Variants in BAALC observed in about 807,000 individuals in gnomAD.
The protein encoded by BAALC is BAALC binder of MAP3K1 and KLF4.
BAALC carries 9 observed loss-of-function variants against 15.5 expected under a neutral mutation model. That is an observed-to-expected ratio of 0.58 (90% confidence interval 0.35 to 1.02). The LOEUF (loss-of-function observed/expected upper bound fraction) is 1.02, where lower values mean the gene tolerates loss of function less well. Ranked by LOEUF, BAALC falls within the 50% of genes least tolerant of loss-of-function variation. BAALC has a pLI of 0.02. For synonymous variants in BAALC, 80 were observed against 74.6 expected (o/e 1.07, Z -0.37); for missense variants, 201 against 192.4 (o/e 1.04, Z -0.27).
At chr8:103,182,538 A>C (rs922530307) in intron 1 of BAALC, among the ~76,000 whole-genome samples, 2 of 152,236 alleles carry the variant, frequency 1.3e-5, no homozygotes, top group South Asian at 2.1e-4. Context: ...CACTGTCTTC[A>C]TGACTTCTGG....
At chr8:103,225,297 G>A (rs753749426) in intron 2 of BAALC, among the ~76,000 whole-genome samples, 1 of 152,202 alleles carries the variant, frequency 6.6e-6, no homozygotes, top group African/African-American at 2.4e-5. Context: ...GGAACACACA[G>A]AGGAAAGCAA....
chr8:103,198,255 A>G, intron 1 of BAALC: 1 of 588,696 alleles, frequency 1.7e-6, no homozygotes, highest in Non-Finnish European at 3.0e-6. Context: ...ATATTTGACT[A>G]CTATTTTTGA....
At chr8:103,151,349 A>G (rs1380880924) in intron 1 of BAALC, among the ~76,000 whole-genome samples, 2 of 152,172 alleles carry the variant, frequency 1.3e-5, no homozygotes, top group Non-Finnish European at 2.9e-5. Context: ...GGCATTTATC[A>G]GCTGTGTGAC....
rs113436801 is a variant in BAALC at position 103,141,127 on chromosome 8, G to A, written c.160+70G>A. ...GGGCGCCTTGGCCCGGGCACTGAGA[G>A]AGGAGCCGGTTCCCTGAGGAATTGA... On this transcript the variant is annotated intron_variant, in intron 1 of 2. Transcript: ENST00000309982. The A allele has an allele frequency of 2.6e-3, 3,548 of 1,369,210 alleles. 100 individuals are homozygous for A. In the African/African-American group the frequency reaches 0.05, roughly 19 times the overall value. The allele number at this position is 1,369,210 out of a possible 1,614,324, so 84.8% of individuals were successfully genotyped here. A position where few individuals can be genotyped will look rare whatever the true frequency, so the allele number is the denominator to read the frequency against.
intron 1 of BAALC, chr8:103,172,076 G>C (rs535700396): frequency 1.3e-5 from 2 of 152,232 alleles, no homozygotes; most frequent in South Asian, 4.1e-4. Context: ...GCTGTTTTAT[G>C]TCCCCTAAAC....
intron 1 of BAALC, among the ~76,000 whole-genome samples, chr8:103,158,078 T>C (rs1344769284): frequency 2.0e-5 from 3 of 152,214 alleles, no homozygotes; most frequent in Non-Finnish European, 4.4e-5. Context: ...AAACAACATC[T>C]GCATGTTGTA....
intron 1 of BAALC, among the ~76,000 whole-genome samples, chr8:103,173,940 G>A (rs554111624): frequency 9.8e-5 from 15 of 152,286 alleles, no homozygotes; most frequent in South Asian, 6.2e-4. Flanking sequence ...CCAAAAGGGC[G>A]TGAAGAAATT....
intron 1 of BAALC, among the ~76,000 whole-genome samples, chr8:103,178,312 T>C (rs1280575759): frequency 6.6e-6 from 1 of 152,190 alleles, no homozygotes; most frequent in Non-Finnish European, 1.5e-5. Flanking sequence ...TTCTGTATCT[T>C]GGTTGCAGTG....
intron 2 of BAALC, among the ~76,000 whole-genome samples, chr8:103,214,412 G>C (rs1485198876): frequency 1.3e-5 from 2 of 152,214 alleles, no homozygotes; most frequent in East Asian, 3.8e-4. Flanking sequence ...AGAAGTGAGT[G>C]ATTAAAAGCA....
At chr8:103,219,970 C>T (rs2130085766) in intron 2 of BAALC, among the ~76,000 whole-genome samples, 1 of 152,286 alleles carries the variant, frequency 6.6e-6, no homozygotes, top group South Asian at 2.1e-4. Context: ...TTAACCCTTA[C>T]AACTCTAAAA....
intron 1 of BAALC, among the ~76,000 whole-genome samples, chr8:103,166,688 T>C (rs1389139233): frequency 2.0e-5 from 3 of 152,214 alleles, no homozygotes; most frequent in Admixed American, 6.5e-5. Context: ...CTCTGGGTTG[T>C]TGAATTTGTT....
At chr8:103,157,307 A>G (rs769693706) in intron 1 of BAALC, among the ~76,000 whole-genome samples, 1 of 152,020 alleles carries the variant, frequency 6.6e-6, no homozygotes, top group Non-Finnish European at 1.5e-5. Flanking sequence ...ATACGCACAT[A>G]TTTCAAGCTA....
At chr8:103,201,581 T>C (rs1360933387) in intron 1 of BAALC, among the ~76,000 whole-genome samples, 3 of 152,246 alleles carry the variant, frequency 2.0e-5, no homozygotes, top group South Asian at 2.1e-4. Context: ...TTAATGCCCA[T>C]TCAAATTCTT....
chr8:103,146,680 C>T (rs1810887587), intron 1 of BAALC, among the ~76,000 whole-genome samples: 8 of 152,220 alleles, frequency 5.3e-5, no homozygotes, highest in Admixed American at 4.6e-4. Flanking sequence ...TCAGTTCTCT[C>T]TGCTCAACTT....
chr8:103,149,591 G>A (rs1810940774), intron 1 of BAALC, among the ~76,000 whole-genome samples: 1 of 152,162 alleles, frequency 6.6e-6, no homozygotes, highest in Non-Finnish European at 1.5e-5. Flanking sequence ...GATGTTTAAA[G>A]TTCCGGATGG....
chr8:103,147,357 C>T (rs7014418), intron 1 of BAALC, among the ~76,000 whole-genome samples: 54,243 of 151,906 alleles, frequency 0.36, 9,781 homozygotes, highest in Middle Eastern at 0.48. Flanking sequence ...AATGGGATGA[C>T]GATAGTCAAT....
intron 1 of BAALC, among the ~76,000 whole-genome samples, chr8:103,151,434 A>T (rs889070779): frequency 6.6e-6 from 1 of 152,186 alleles, no homozygotes; most frequent in Admixed American, 6.5e-5. Context: ...GAATTAATGC[A>T]TTCACAAGTA....
chr8:103,174,542 A>T (rs1314449913), intron 1 of BAALC, among the ~76,000 whole-genome samples: 1 of 152,246 alleles, frequency 6.6e-6, no homozygotes, highest in South Asian at 2.1e-4. Context: ...GCAGGCAAGG[A>T]ACAGAGAAAA....
intron 2 of BAALC, among the ~76,000 whole-genome samples, chr8:103,216,966 C>T (rs1812570572): frequency 1.3e-5 from 2 of 152,176 alleles, no homozygotes; most frequent in African/African-American, 4.8e-5. Flanking sequence ...ACACACCCCA[C>T]ACACTTTGGG....
Sources: allele counts gnomAD v4.1 joint callset (sites outside exome capture counted in the v4.1 genomes callset), GRCh38; gene constraint gnomAD v4.1.1; transcripts MANE v1.5; gene names NCBI Gene and HGNC (gene_info 2026-07-23, HGNC 2026-07-21).